Variants in GPR161 observed in about 807,000 individuals in gnomAD.
The protein encoded by GPR161 is G protein-coupled receptor 161.
A neutral mutation model predicts 39.2 loss-of-function variants in GPR161; 25 were observed. The observed-to-expected ratio is 0.64, with a 90% CI of 0.47 to 0.89. GPR161 has a LOEUF of 0.89. GPR161 is among the 40% of genes least tolerant of loss of function. The pLI is 0.00. For missense variants in GPR161, 547 were observed against 677.8 expected, an observed-to-expected ratio of 0.81 and a Z score of 2.14; for synonymous variants, 286 against 276.6, an observed-to-expected ratio of 1.03 and a Z score of -0.34.
chr1:168,137,256 G>A, upstream of GPR161: 1 of 1,487,610 alleles, frequency 6.7e-7, no homozygotes, highest in Non-Finnish European at 8.9e-7. Flanking sequence ...AGTTCCAGCC[G>A]CTGGGACGTC....
At position 168,104,496 on chromosome 1, in the gene GPR161, C is replaced by A; in HGVS notation, c.355G>T (p.Gly119Trp). 1 of 1,613,550 alleles carries A rather than the reference C, an allele frequency of 6.2e-7. No homozygotes were observed. The highest frequency in any genetic ancestry group is 8.5e-7 in the Non-Finnish European group (1 of 1,179,622). Residue 119 changes from glycine to tryptophan, a missense_variant, in exon 2 of 6, where the codon GGG (glycine) becomes TGG (tryptophan). Physicochemically the swap from Gly to Trp is radical, Grantham distance 184. Transcript: ENST00000682931. ...GCTTACCGGTCGATGGCAATGACCC[C>A]GAGGGTTAGCATGCTGGCAGAGCTG... The part of the protein sequence containing the change: ...LISSASMLTL[G>W]VIAIDRYYAV...
intron 1 of GPR161, among the ~76,000 whole-genome samples, chr1:168,134,740 C>T (rs941645329): frequency 6.6e-6 from 1 of 152,212 alleles, no homozygotes; most frequent in Non-Finnish European, 1.5e-5. Context: ...AAACTAAGAT[C>T]AGGCAACCAT....
At chr1:168,100,069 G>A (rs979395862) in intron 2 of GPR161, among the ~76,000 whole-genome samples, 2 of 151,916 alleles carry the variant, frequency 1.3e-5, no homozygotes, top group Non-Finnish European at 2.9e-5. Flanking sequence ...GGCAGGTATA[G>A]TGGTGTGTGC....
Position 168,087,583 on chromosome 1 carries a change from A to G in GPR161, c.1324+2T>C, listed in dbSNP as rs950770770. The G allele has an allele frequency of 1.9e-6, 3 of 1,613,914 alleles. No homozygotes were observed. In the African/African-American group the frequency reaches 4.0e-5, roughly 22 times the overall value. The stretch of plus-strand genomic sequence containing the variant: ...TTGAAGCAATCAGTCACAGAAGCCA[A>G]CCTTTGATTTGTTCCACTTCATCCT... On this transcript the variant is annotated splice_donor_variant, in intron 5 of 5. Coordinates refer to ENST00000682931, the MANE Select transcript of GPR161 (RefSeq NM_001375883.1). LOFTEE classifies it high-confidence loss of function.
In GPR161 at chr1:168,085,256, A is replaced by C; in HGVS notation, c.*275T>G. The C allele has an allele frequency of 2.0e-6, 1 of 507,742 alleles. No individual in the cohort carries two copies. The highest frequency in any genetic ancestry group is 2.1e-5 in the African/African-American group (1 of 48,444). 31.5% of individuals were successfully genotyped at this position (507,742 alleles called of 1,614,324 possible). A position where few individuals can be genotyped will look rare whatever the true frequency, so the allele number is the denominator to read the frequency against. On this transcript the variant is annotated 3_prime_UTR_variant, in exon 6 of 6. Transcript: ENST00000682931. The stretch of plus-strand genomic sequence containing the variant: ...CAAAAAGCCACAGCCACATCTCTAG[A>C]TTTTTTTTTGGTTTTTTTTTTGCTT...
Position 168,085,614 on chromosome 1 carries a change from G to T in GPR161, c.1507C>A (p.Arg503=). 6.2e-7 allele frequency: 1 copy of T among 1,613,962 alleles called. No individual in the cohort carries two copies. Among genetic ancestry groups the T allele is most frequent in the Non-Finnish European group, 8.5e-7 (1 of 1,179,944 alleles). Residue 503 remains arginine, a synonymous_variant, in exon 6 of 6, where the codon CGA becomes AGA. Transcript: ENST00000682931. The stretch of plus-strand genomic sequence containing the variant: ...TGGCTCACAAGAGTTCTGCTGCCTC[G>T]GCGGCCCCCGAAGCCGCCCCCCGGG... The part of the protein sequence containing the change: ...TVPGGGFGGR[R]GSRTLVSQRL...
At chr1:168,129,882 C>T (rs192813725) in intron 1 of GPR161, among the ~76,000 whole-genome samples, 4 of 152,272 alleles carry the variant, frequency 2.6e-5, no homozygotes, top group Admixed American at 1.3e-4. Context: ...GAGGGTAGTC[C>T]TAGCCAAAGT....
chr1:168,121,439 G>A (rs1404457090), intron 1 of GPR161, among the ~76,000 whole-genome samples: 1 of 152,142 alleles, frequency 6.6e-6, no homozygotes, highest in African/African-American at 2.4e-5. Flanking sequence ...TAAAAGGGCA[G>A]CTGGCCTCTC....
chr1:168,110,755 C>T (rs1239026698), intron 1 of GPR161, among the ~76,000 whole-genome samples: 1 of 151,828 alleles, frequency 6.6e-6, no homozygotes, highest in South Asian at 2.1e-4. Flanking sequence ...GAAACCCCGT[C>T]TCTACTAAAC....
Position 168,104,477 on chromosome 1 carries a change from C to T in GPR161, c.374G>A (p.Arg125His), listed in dbSNP as rs753411890. Residue 125 changes from arginine to histidine, a missense_variant and splice_region_variant, in exon 2 of 6, where the codon CGC becomes CAC. Physicochemically the swap from Arg to His is conservative, Grantham distance 29. Transcript: ENST00000682931. ...MLTLGVIAID[R>H]YYAVLYPMVY... ...TTCTCTAAGTCTGAGGCATGCTTACCGGTCGATGGCAATGACCCCGAGGGT... is the reference window on the plus strand; with the variant it reads ...TTCTCTAAGTCTGAGGCATGCTTACTGGTCGATGGCAATGACCCCGAGGGT... 1.7e-5 allele frequency: 27 copies of T among 1,610,228 alleles called. No homozygotes were observed. The highest frequency in any genetic ancestry group is 4.5e-5 in the East Asian group (2 of 44,818).
At chr1:168,103,428 A>G (rs376315087) in intron 2 of GPR161, among the ~76,000 whole-genome samples, 4 of 100,834 alleles carry the variant, frequency 4.0e-5, no homozygotes, top group South Asian at 2.7e-4. Context: ...CTACTCAGGG[A>G]AAAAAAAAAA....
In GPR161 at chr1:168,080,005, G is replaced by A. The variant is rs984472316; in HGVS notation, c.*5526C>T. On this transcript the variant is annotated 3_prime_UTR_variant, in exon 6 of 6. Transcript: ENST00000682931. ...AGAAATGAACATAGCTTTGTGTATT[G>A]CATTCTAAAAATAACACCAAAATTG... 1.3e-5 allele frequency: 2 copies of A among 152,196 alleles called. No individual in the cohort carries two copies. Among genetic ancestry groups the A allele is most frequent in the Admixed American group, 6.5e-5 (1 of 15,286 alleles). The allele number at this position is 152,196 out of a possible 1,614,324, so 9.4% of individuals were successfully genotyped here. A position where few individuals can be genotyped will look rare whatever the true frequency, so the allele number is the denominator to read the frequency against.
chr1:168,085,798 TG>T lies in GPR161; in HGVS notation c.1325-3del. The T allele has an allele frequency of 6.2e-7, 1 of 1,607,424 alleles. No individual in the cohort carries two copies. The highest frequency in any genetic ancestry group is 8.5e-7 in the Non-Finnish European group (1 of 1,174,684). On this transcript the variant is annotated splice_polypyrimidine_tract_variant and splice_region_variant and intron_variant, in intron 5 of 5. Coordinates refer to ENST00000682931, the MANE Select transcript of GPR161 (RefSeq NM_001375883.1). ...GAAGAATCGAGTTCTTGGCAGCTTC[TG>T]AGGGAGAAGGCAGAAAAAAAAGTCA...
chr1:168,135,123 T>G, intron 1 of GPR161: 1 of 1,412,308 alleles, frequency 7.1e-7, no homozygotes. Flanking sequence ...GAGGGGTCTC[T>G]ATTCTTGATG....
rs1396904027 is a variant in GPR161, at chr1:168,084,888, C to T, written c.*643G>A. The T allele has an allele frequency of 4.4e-6, 2 of 456,064 alleles. No individual in the cohort carries two copies. The highest frequency in any genetic ancestry group is 2.0e-5 in the African/African-American group (1 of 50,042). 28.3% of individuals were successfully genotyped at this position (456,064 alleles called of 1,614,324 possible). On this transcript the variant is annotated 3_prime_UTR_variant, in exon 6 of 6. Coordinates refer to ENST00000682931, the MANE Select transcript of GPR161 (RefSeq NM_001375883.1). ...CAGTAGGGAAGTAGGCAGGGTGGGC[C>T]AGTCTGCAAGAGGCCTGTGGCTGTC... is the stretch of plus-strand genomic sequence containing the variant.
At chr1:168,116,067 A>G (rs1467645211) in intron 1 of GPR161, among the ~76,000 whole-genome samples, 1 of 152,054 alleles carries the variant, frequency 6.6e-6, no homozygotes, top group Non-Finnish European at 1.5e-5. Context: ...GTGAGCCACC[A>G]CGCCCAGCCT....
chr1:168,110,527 A>C (rs1190171079), intron 1 of GPR161, among the ~76,000 whole-genome samples: 11,146 of 111,688 alleles, frequency 0.1, 1,643 homozygotes, highest in African/African-American at 0.17. Context: ...AAAAAACGAA[A>C]GAAAGGAAAG....
In GPR161 at chr1:168,083,062, A is replaced by T. The variant is rs1364575247; in HGVS notation, c.*2469T>A. ...TTTGGAAATACCCACCTCCCTCTGA[A>T]GCCACACTTCTTTCTATAACCACGA... is the stretch of plus-strand genomic sequence containing the variant. On this transcript the variant is annotated 3_prime_UTR_variant, in exon 6 of 6. Transcript: ENST00000682931. 2 of 152,182 alleles carry T rather than the reference A, an allele frequency of 1.3e-5. No individual in the cohort carries two copies. Among genetic ancestry groups the T allele is most frequent in the Non-Finnish European group, 2.9e-5 (2 of 68,046 alleles). 9.4% of individuals were successfully genotyped at this position (152,182 alleles called of 1,614,324 possible). A position where few individuals can be genotyped will look rare whatever the true frequency, so the allele number is the denominator to read the frequency against.
intron 1 of GPR161, 186 bp downstream of exon 1, chr1:168,136,553 C>G (rs1412463593): frequency 6.4e-6 from 8 of 1,257,582 alleles, no homozygotes; most frequent in Non-Finnish European, 7.0e-6. Flanking sequence ...AAGCAAGGCG[C>G]AGTGCGGGCG....
Sources: gnomAD v4.1 joint callset for allele counts (sites outside exome capture counted in the v4.1 genomes callset) on GRCh38, gnomAD v4.1.1 for gene constraint, MANE v1.5 for transcripts, NCBI Gene and HGNC (gene_info 2026-07-23, HGNC 2026-07-21) for gene names.